The following HEMK2 variants were observed in gnomAD, a reference collection of about 807,000 sequenced individuals.
HEMK2 encodes the protein HemK methyltransferase 2, ETF1 glutamine and histone H4 lysine.
the HEMK2 span, among the ~76,000 whole-genome samples, chr21:28,766,267 A>G: frequency 6.6e-6 from 1 of 152,044 alleles, no homozygotes; most frequent in African/African-American, 2.4e-5. Flanking sequence ...ACAAACCTGC[A>G]CATTGTGGAC....
the HEMK2 span, among the ~76,000 whole-genome samples, chr21:28,578,701 T>C: frequency 6.6e-6 from 1 of 152,206 alleles, no homozygotes; most frequent in Non-Finnish European, 1.5e-5. Context: ...GTCCCTGGTT[T>C]CCTTGATAAA....
the HEMK2 span, among the ~76,000 whole-genome samples, chr21:28,856,495 C>T: frequency 2.0e-5 from 3 of 151,964 alleles, no homozygotes. Context: ...ATCTGGTGGT[C>T]CAAGATGGCC....
chr21:28,838,972 A>AAAAAAATATATATATAT, the HEMK2 span, among the ~76,000 whole-genome samples: 7 of 29,156 alleles, frequency 2.4e-4, no homozygotes, highest in African/African-American at 5.8e-4. Flanking sequence ...AAAAAAAAAA[A>AAAAAAATATATATATAT]ATATATATAT....
chr21:28,661,725 G>A, the HEMK2 span, among the ~76,000 whole-genome samples: 1 of 152,114 alleles, frequency 6.6e-6, no homozygotes, highest in African/African-American at 2.4e-5. Flanking sequence ...TTTACGTGAT[G>A]ACAGAAACGT....
chr21:28,734,660 G>A, the HEMK2 span, among the ~76,000 whole-genome samples: 1 of 152,144 alleles, frequency 6.6e-6, no homozygotes, highest in Non-Finnish European at 1.5e-5. Flanking sequence ...CTCTGTGACG[G>A]TGTGCTGCCT....
the HEMK2 span, among the ~76,000 whole-genome samples, chr21:28,607,400 G>A: frequency 6.6e-6 from 1 of 151,834 alleles, no homozygotes; most frequent in East Asian, 1.9e-4. Context: ...AATACAGCGA[G>A]ACTCCATCTC....
the HEMK2 span, among the ~76,000 whole-genome samples, chr21:28,680,747 A>G: frequency 2.6e-5 from 4 of 152,236 alleles, no homozygotes; most frequent in African/African-American, 4.8e-5. Flanking sequence ...CTGGTTCAAC[A>G]TATGCAAATC....
the HEMK2 span, among the ~76,000 whole-genome samples, chr21:28,863,764 AACTGTTCTTATTCCTTGGCCTCACTGAAC>A: frequency 2.0e-5 from 3 of 152,026 alleles, no homozygotes; most frequent in Non-Finnish European, 4.4e-5. Context: ...GGACCGTAGA[AACTGTTCTTATTCCTTGGCCTCACTGAAC>A]ACTTGCTGCT....
At chr21:28,779,434 GAGT>G in the HEMK2 span, among the ~76,000 whole-genome samples, 1 of 152,208 alleles carries the variant, frequency 6.6e-6, no homozygotes, top group African/African-American at 2.4e-5. Flanking sequence ...TAGAAATAGA[GAGT>G]AGAATGATGG....
At chr21:28,848,074 T>G in the HEMK2 span, among the ~76,000 whole-genome samples, 2 of 152,242 alleles carry the variant, frequency 1.3e-5, no homozygotes, top group Non-Finnish European at 2.9e-5. Context: ...AGCTTTGTTC[T>G]TTTTGCTTAG....
chr21:28,634,331 T>A, the HEMK2 span, among the ~76,000 whole-genome samples: 1 of 152,174 alleles, frequency 6.6e-6, no homozygotes, highest in African/African-American at 2.4e-5. Context: ...CCTCCTTTGC[T>A]GAGAGGCTGT....
the HEMK2 span, among the ~76,000 whole-genome samples, chr21:28,823,215 T>C: frequency 3.3e-3 from 499 of 152,240 alleles, 2 homozygotes; most frequent in African/African-American, 0.011. Flanking sequence ...AACTGCCAAG[T>C]TGACAATTTT....
At chr21:28,759,807 C>T in the HEMK2 span, among the ~76,000 whole-genome samples, 59 of 152,266 alleles carry the variant, frequency 3.9e-4, no homozygotes, top group South Asian at 6.2e-4. Context: ...ACATGCCTTT[C>T]GCCTTCCACC....
the HEMK2 span, among the ~76,000 whole-genome samples, chr21:28,845,121 T>C: frequency 6.6e-6 from 1 of 152,236 alleles, no homozygotes; most frequent in Admixed American, 6.5e-5. Flanking sequence ...CTTAGCCATC[T>C]GGAATTTATA....
At chr21:28,648,040 G>T in the HEMK2 span, among the ~76,000 whole-genome samples, 1 of 152,180 alleles carries the variant, frequency 6.6e-6, no homozygotes, top group Non-Finnish European at 1.5e-5. Context: ...TCACTAGTCA[G>T]AACTGAATTT....
At chr21:28,875,201 G>A in the HEMK2 span, 3 of 152,198 alleles carry the variant, frequency 2.0e-5, no homozygotes, top group East Asian at 5.8e-4. Context: ...GCCCAATCAT[G>A]TGTATACCAC....
At chr21:28,838,972 A>AAAAAAAATATATATATATATAT in the HEMK2 span, among the ~76,000 whole-genome samples, 5 of 29,158 alleles carry the variant, frequency 1.7e-4, no homozygotes, top group Non-Finnish European at 2.2e-4. Context: ...AAAAAAAAAA[A>AAAAAAAATATATATATATATAT]ATATATATAT....
chr21:28,870,264 T>C, the HEMK2 span, among the ~76,000 whole-genome samples: 20 of 152,252 alleles, frequency 1.3e-4, no homozygotes, highest in Admixed American at 6.5e-4. Flanking sequence ...ACAAGCACAG[T>C]TCCCCCCAAT....
the HEMK2 span, among the ~76,000 whole-genome samples, chr21:28,629,912 C>G: frequency 7.2e-6 from 1 of 139,060 alleles, no homozygotes; most frequent in East Asian, 2.2e-4. Flanking sequence ...CTCAAAACCC[C>G]CTTTGCTCAG....
Sources: gnomAD v4.1 joint callset for allele counts (sites outside exome capture counted in the v4.1 genomes callset) on GRCh38, gnomAD v4.1.1 for gene constraint, MANE v1.5 for transcripts, NCBI Gene and HGNC (gene_info 2026-07-23, HGNC 2026-07-21) for gene names.